The following STAU2 variants were observed in gnomAD, a reference collection of about 807,000 sequenced individuals.
STAU2 encodes the protein double-stranded RNA-binding protein Staufen homolog 2.
Under a neutral mutation model 65.9 loss-of-function variants are expected in STAU2, and 20 were observed. The observed-to-expected ratio is 0.30, with a 90% CI of 0.21 to 0.44. The LOEUF is 0.44. Among genes scored for constraint, STAU2 ranks in the 20% least tolerant of loss-of-function variants. The pLI is 1.00. For missense variants in STAU2, 558 were observed against 683.9 expected, an observed-to-expected ratio of 0.82 and a Z score of 2.05; for synonymous variants, 232 against 233.9, an observed-to-expected ratio of 0.99 and a Z score of 0.07.
chr8:73,456,377 T>C (rs1490993736), intron 13 of STAU2, among the ~76,000 whole-genome samples: 1 of 152,212 alleles, frequency 6.6e-6, no homozygotes, highest in Non-Finnish European at 1.5e-5. Context: ...TTCCATTACA[T>C]GGAGAAAGAA....
Position 73,739,868 on chromosome 8 carries a change from T to C in STAU2, c.-196A>G. 9.4e-7 allele frequency: 1 copy of C among 1,058,352 alleles called. No individual in the cohort carries two copies. 65.6% of individuals were successfully genotyped at this position (1,058,352 alleles called of 1,614,324 possible). ...GCTAAAGTCCTTGTGGTAGGCAGCCTCTAACAAATAGAATATAGCAGAAAT... is the reference window on the plus strand; with the variant it reads ...GCTAAAGTCCTTGTGGTAGGCAGCCCCTAACAAATAGAATATAGCAGAAAT... On this transcript the variant is annotated splice_region_variant and 5_prime_UTR_variant, in exon 2 of 15. Transcript: ENST00000524300.
At chr8:73,549,475 C>T (rs1182726601) in intron 13 of STAU2, 1 of 215,706 alleles carries the variant, frequency 4.6e-6, no homozygotes, top group Admixed American at 6.5e-5. Flanking sequence ...ATAATTTTAC[C>T]TATTTTGTAG....
chr8:73,498,834 G>C (rs1456178630), intron 13 of STAU2, among the ~76,000 whole-genome samples: 2 of 151,810 alleles, frequency 1.3e-5, no homozygotes, highest in Non-Finnish European at 1.5e-5. Flanking sequence ...GAATGTGACG[G>C]TTAATTTTAT....
intron 11 of STAU2, among the ~76,000 whole-genome samples, chr8:73,586,646 C>CAAAAAAAAAAAAAA (rs56687221): frequency 1.6e-5 from 1 of 62,728 alleles, no homozygotes; most frequent in Admixed American, 1.9e-4. Flanking sequence ...AAAAAAAATG[C>CAAAAAAAAAAAAAA]AAAAAAAAAA....
chr8:73,617,532 A>G (rs1460692553), intron 6 of STAU2, 81 bp from the exon 7 acceptor site: 1 of 1,351,248 alleles, frequency 7.4e-7, no homozygotes, highest in Non-Finnish European at 1.0e-6. Flanking sequence ...TTAAAATGAT[A>G]CCAATTATAT....
At chr8:73,743,774 ATTT>A (rs202012327) in intron 1 of STAU2, among the ~76,000 whole-genome samples, 1 of 123,536 alleles carries the variant, frequency 8.1e-6, no homozygotes, top group Non-Finnish European at 1.7e-5. Context: ...ATGCCCGGAC[ATTT>A]TTTTTTTTTT....
intron 5 of STAU2, among the ~76,000 whole-genome samples, chr8:73,674,574 T>C (rs1817906804): frequency 6.6e-6 from 1 of 151,806 alleles, no homozygotes; most frequent in Non-Finnish European, 1.5e-5. Flanking sequence ...CTTTAAAATA[T>C]AGTCAAATAA....
At chr8:73,659,549 A>C (rs1474009824) in intron 6 of STAU2, among the ~76,000 whole-genome samples, 3 of 152,124 alleles carry the variant, frequency 2.0e-5, no homozygotes, top group Non-Finnish European at 4.4e-5. Context: ...AAAAAAGAAG[A>C]GCTTCATAAT....
intron 4 of STAU2, among the ~76,000 whole-genome samples, chr8:73,707,941 C>G (rs1489145059): frequency 6.6e-6 from 1 of 152,136 alleles, no homozygotes; most frequent in East Asian, 1.9e-4. Context: ...CAGAAAGACA[C>G]TACAACTTAG....
At chr8:73,466,928 T>C (rs1024424118) in intron 13 of STAU2, among the ~76,000 whole-genome samples, 3 of 152,242 alleles carry the variant, frequency 2.0e-5, no homozygotes, top group African/African-American at 4.8e-5. Flanking sequence ...CCACCATCCA[T>C]TGTGCCCACC....
chr8:73,462,611 T>C (rs899734562), intron 13 of STAU2, among the ~76,000 whole-genome samples: 9 of 151,778 alleles, frequency 5.9e-5, no homozygotes, highest in Admixed American at 3.3e-4. Flanking sequence ...TTGCCCAGGA[T>C]GGTCTTGAAC....
chr8:73,501,683 C>G (rs1821760836), intron 13 of STAU2, among the ~76,000 whole-genome samples: 1 of 151,758 alleles, frequency 6.6e-6, no homozygotes, highest in African/African-American at 2.4e-5. Flanking sequence ...TCTCCCTTAC[C>G]CATTAGAGAA....
intron 6 of STAU2, among the ~76,000 whole-genome samples, chr8:73,647,112 T>C (rs1026044270): frequency 6.6e-6 from 1 of 152,144 alleles, no homozygotes; most frequent in African/African-American, 2.4e-5. Flanking sequence ...AAACTGAATC[T>C]CTCATACATT....
intron 4 of STAU2, among the ~76,000 whole-genome samples, chr8:73,703,118 C>T (rs1473956204): frequency 6.6e-6 from 1 of 152,118 alleles, no homozygotes; most frequent in African/African-American, 2.4e-5. Context: ...TGTCCCCACC[C>T]AAATTTCATG....
chr8:73,595,142 C>T, intron 11 of STAU2, 24 bp downstream of exon 11: 3 of 1,570,124 alleles, frequency 1.9e-6, no homozygotes, highest in Admixed American at 1.9e-5. Context: ...AGATAGGATA[C>T]ATACATGTAA....
At chr8:73,662,914 C>A (rs1266830213) in intron 6 of STAU2, among the ~76,000 whole-genome samples, 2 of 152,104 alleles carry the variant, frequency 1.3e-5, no homozygotes, top group East Asian at 1.9e-4. Flanking sequence ...CCGCGCCCAG[C>A]CCAGGTTCTT....
intron 13 of STAU2, among the ~76,000 whole-genome samples, chr8:73,446,207 T>G (rs751291396): frequency 1.3e-5 from 2 of 152,230 alleles, no homozygotes; most frequent in African/African-American, 2.4e-5. Flanking sequence ...GTTATTATGA[T>G]TCCATTTATG....
At chr8:73,631,065 G>A (rs1814057958) in intron 6 of STAU2, among the ~76,000 whole-genome samples, 1 of 152,074 alleles carries the variant, frequency 6.6e-6, no homozygotes, top group Admixed American at 6.6e-5. Context: ...ACTCAAGAAT[G>A]CCAATCTAGG....
intron 13 of STAU2, among the ~76,000 whole-genome samples, chr8:73,512,772 T>C (rs1563395159): frequency 6.6e-6 from 1 of 152,188 alleles, no homozygotes; most frequent in Non-Finnish European, 1.5e-5. Context: ...TTGAAGTTTA[T>C]GGGTGTGGGT....
Sources: allele counts gnomAD v4.1 joint callset (sites outside exome capture counted in the v4.1 genomes callset), GRCh38; gene constraint gnomAD v4.1.1; transcripts MANE v1.5; gene names NCBI Gene and HGNC (gene_info 2026-07-23, HGNC 2026-07-21).